DNAH7: variants seen among roughly 807,000 people sequenced by gnomAD.
DNAH7 encodes axonemal beta dynein heavy chain 7.
Under a neutral mutation model 444.6 loss-of-function variants are expected in DNAH7, and 397 were observed. The observed-to-expected ratio is 0.89, with a 90% CI of 0.82 to 0.97. DNAH7 has a LOEUF of 0.97. Ranked by LOEUF, DNAH7 falls within the 50% of genes least tolerant of loss-of-function variation. The pLI, the probability that DNAH7 is intolerant of heterozygous loss-of-function variation, is 0.00. For missense variants in DNAH7, 4,902 were observed against 4,800.8 expected, an observed-to-expected ratio of 1.02 and a Z score of -0.62; for synonymous variants, 1,636 against 1,624.4, an observed-to-expected ratio of 1.01 and a Z score of -0.17.
chr2:196,046,789 C>T (rs1034465822), intron 5 of DNAH7, among the ~76,000 whole-genome samples: 4 of 152,118 alleles, frequency 2.6e-5, no homozygotes, highest in African/African-American at 9.7e-5. Flanking sequence ...AAACCCCACT[C>T]GTCCCACAAA....
chr2:195,739,105 A>G (rs1044435806), intron 64 of DNAH7, among the ~76,000 whole-genome samples: 6 of 152,244 alleles, frequency 3.9e-5, no homozygotes, highest in Non-Finnish European at 8.8e-5. Context: ...ATTCAGGAGA[A>G]TCATTATCCA....
At chr2:196,064,915 C>T (rs1698340947) in intron 1 of DNAH7, among the ~76,000 whole-genome samples, 2 of 152,130 alleles carry the variant, frequency 1.3e-5, no homozygotes, top group Non-Finnish European at 2.9e-5. Flanking sequence ...TTAGTATAAA[C>T]ACACACAGTT....
intron 41 of DNAH7, among the ~76,000 whole-genome samples, chr2:195,863,495 T>C (rs140257624): frequency 3.2e-4 from 49 of 152,264 alleles, no homozygotes; most frequent in Middle Eastern, 3.4e-3. Flanking sequence ...TTCGCTGCCT[T>C]TTTCTGCTCT....
At chr2:196,015,994 G>A (rs1032446663) in intron 9 of DNAH7, among the ~76,000 whole-genome samples, 3 of 152,224 alleles carry the variant, frequency 2.0e-5, no homozygotes, top group Admixed American at 6.5e-5. Context: ...TGGATGCCTT[G>A]AAGTTTGCTT....
intron 19 of DNAH7, among the ~76,000 whole-genome samples, chr2:195,943,995 C>T (rs1011466920): frequency 1.3e-5 from 2 of 152,104 alleles, no homozygotes; most frequent in Non-Finnish European, 2.9e-5. Flanking sequence ...TACCTCTTCC[C>T]CAGTCTTCCT....
At chr2:196,037,517 T>A (rs1194148413) in intron 5 of DNAH7, among the ~76,000 whole-genome samples, 2 of 151,994 alleles carry the variant, frequency 1.3e-5, no homozygotes, top group Admixed American at 1.3e-4. Flanking sequence ...GAAAAACTCA[T>A]AAGCTGAATT....
intron 27 of DNAH7, among the ~76,000 whole-genome samples, chr2:195,906,129 A>T (rs1023223539): frequency 5.9e-5 from 9 of 152,122 alleles, no homozygotes; most frequent in Non-Finnish European, 4.4e-5. Flanking sequence ...TGTTTCCAGC[A>T]TTGTAAAAAG....
chr2:195,784,178 G>A (rs987454648), intron 58 of DNAH7, among the ~76,000 whole-genome samples: 1 of 152,148 alleles, frequency 6.6e-6, no homozygotes, highest in African/African-American at 2.4e-5. Flanking sequence ...GATTCATAAT[G>A]CTGTGTATCT....
At chr2:195,827,712 G>A (rs1218544531) in intron 48 of DNAH7, among the ~76,000 whole-genome samples, 1 of 151,932 alleles carries the variant, frequency 6.6e-6, no homozygotes, top group African/African-American at 2.4e-5. Flanking sequence ...TCACATAGGT[G>A]GAACTATAGG....
At chr2:195,984,299 A>C (rs1416379116) in intron 15 of DNAH7, among the ~76,000 whole-genome samples, 1 of 152,200 alleles carries the variant, frequency 6.6e-6, no homozygotes. Context: ...ACCAAACTGC[A>C]AACTCATGAG....
At chr2:195,801,048 T>C (rs1191116189) in intron 54 of DNAH7, among the ~76,000 whole-genome samples, 2 of 152,112 alleles carry the variant, frequency 1.3e-5, no homozygotes, top group African/African-American at 4.8e-5. Context: ...GGTGTCTGCT[T>C]CCCCTTCGAC....
chr2:195,828,006 T>C (rs1245610050), intron 48 of DNAH7, among the ~76,000 whole-genome samples: 1 of 152,258 alleles, frequency 6.6e-6, no homozygotes, highest in Non-Finnish European at 1.5e-5. Flanking sequence ...CCAATCATCC[T>C]GCTTTAGGCA....
intron 24 of DNAH7, among the ~76,000 whole-genome samples, chr2:195,921,668 C>A (rs1188869980): frequency 6.6e-6 from 1 of 152,008 alleles, no homozygotes; most frequent in Non-Finnish European, 1.5e-5. Context: ...GATGGGTGCA[C>A]CAAATCTCAG....
At chr2:195,917,797 G>C (rs1559222171) in intron 24 of DNAH7, among the ~76,000 whole-genome samples, 2 of 152,070 alleles carry the variant, frequency 1.3e-5, no homozygotes, top group Admixed American at 6.6e-5. Flanking sequence ...TAGGACTAAA[G>C]GTGTGCACCA....
chr2:195,911,865 G>T (rs1244852907), intron 24 of DNAH7, among the ~76,000 whole-genome samples: 1 of 152,126 alleles, frequency 6.6e-6, no homozygotes, highest in Non-Finnish European at 1.5e-5. Context: ...GTAAGGGGAA[G>T]AAAATTAAAC....
rs530267238 is a variant in DNAH7 at position 195,787,503 on chromosome 2, T to C, written c.10717-332A>G. Among the ~76,000 whole-genome samples the C allele has an allele frequency of 5.3e-5, 8 of 152,260 alleles. No homozygotes were observed. In the South Asian group the frequency reaches 1.7e-3, roughly 32 times the overall value. ...AAGGCAACATGTAACAATTCCAACG[T>C]GTGCTCCCAGATCACCATGGAGAAA... On this transcript the variant is annotated intron_variant, in intron 57 of 64. Coordinates refer to ENST00000312428, the MANE Select transcript of DNAH7 (RefSeq NM_018897.3).
intron 63 of DNAH7, among the ~76,000 whole-genome samples, chr2:195,743,243 G>C (rs1693159580): frequency 6.6e-6 from 1 of 152,244 alleles, no homozygotes; most frequent in African/African-American, 2.4e-5. Context: ...TTGAGGTTTT[G>C]GGACTGGGAC....
intron 19 of DNAH7, among the ~76,000 whole-genome samples, chr2:195,946,732 T>C (rs1340133656): frequency 6.6e-6 from 1 of 152,030 alleles, no homozygotes; most frequent in East Asian, 1.9e-4. Flanking sequence ...CCTCCCTTCC[T>C]CCTTCTCTTC....
At position 195,747,347 on chromosome 2, in the gene DNAH7, T is replaced by C. The variant is rs1413882198; in HGVS notation, c.11765-6478A>G. Among the ~76,000 whole-genome samples the C allele has an allele frequency of 3.3e-5, 5 of 152,222 alleles. No homozygotes were observed. The East Asian group carries it at 7.7e-4, about 23-fold the overall frequency. On this transcript the variant is annotated intron_variant, in intron 63 of 64. Transcript: ENST00000312428. ...GCTCTAAAATTGTGGCAATAATCAATAGCTTACCAACCAAAAAGAGTCCAG... is the reference window on the plus strand; with the variant it reads ...GCTCTAAAATTGTGGCAATAATCAACAGCTTACCAACCAAAAAGAGTCCAG...
Sources: gnomAD v4.1 joint callset for allele counts (sites outside exome capture counted in the v4.1 genomes callset) on GRCh38, gnomAD v4.1.1 for gene constraint, MANE v1.5 for transcripts, NCBI Gene and HGNC (gene_info 2026-07-23, HGNC 2026-07-21) for gene names.